The following LARGE1 variants were observed in gnomAD, a reference collection of about 807,000 sequenced individuals.
LARGE1 encodes the protein xylosyl- and glucuronyltransferase LARGE1.
In LARGE1, 43 loss-of-function variants were observed where a neutral mutation model predicts 87.6. The ratio of observed to expected loss-of-function variants is 0.49; its 90% CI spans 0.38 to 0.63. The LOEUF is 0.63. Among genes scored for constraint, LARGE1 ranks in the 30% least tolerant of loss-of-function variants. The pLI, the probability that LARGE1 is intolerant of heterozygous loss-of-function variation, is 0.00. For synonymous variants in LARGE1, 434 were observed against 394.6 expected (o/e 1.10, Z -1.18); for missense variants, 802 against 1,000.2 (o/e 0.80, Z 2.67).
At chr22:33,758,134 C>T (rs367778869) in intron 2 of LARGE1, among the ~76,000 whole-genome samples, 3 of 152,198 alleles carry the variant, frequency 2.0e-5, no homozygotes, top group African/African-American at 7.2e-5. Flanking sequence ...CTCCTTGCCA[C>T]GTCCCTCCAT....
At chr22:33,316,452 G>A (rs1174592062) in intron 10 of LARGE1, among the ~76,000 whole-genome samples, 3 of 152,220 alleles carry the variant, frequency 2.0e-5, no homozygotes, top group African/African-American at 7.2e-5. Context: ...AAAATCAGAT[G>A]CCTGGGGACC....
chr22:33,329,287 C>T (rs1937500798), intron 10 of LARGE1, among the ~76,000 whole-genome samples: 1 of 147,984 alleles, frequency 6.8e-6, no homozygotes, highest in Admixed American at 6.8e-5. Context: ...ATTCCATATA[C>T]ATTCAAAAAT....
chr22:33,373,552 T>C (rs1193122528), intron 9 of LARGE1, among the ~76,000 whole-genome samples: 1 of 152,188 alleles, frequency 6.6e-6, no homozygotes, highest in East Asian at 1.9e-4. Context: ...AGGTCATACA[T>C]CATTGCCTTC....
chr22:33,632,584 T>C (rs956979818), intron 3 of LARGE1, among the ~76,000 whole-genome samples: 6 of 152,088 alleles, frequency 3.9e-5, no homozygotes, highest in South Asian at 4.1e-4. Context: ...CTGGGTTTCT[T>C]AACACCTTCC....
At position 33,283,271 on chromosome 22, in the gene LARGE1, C is replaced by T. The variant is rs1426827508; in HGVS notation, c.1808G>A (p.Arg603Gln). The change falls in exon 13 of 15, where the codon CGG becomes CAG. Residue 603 changes from arginine (R) to glutamine (Q), a missense_variant. Arg to Gln is a conservative substitution (Grantham distance 43). Transcript: ENST00000397394. ...IVPAFETLRYRLSFPKSKAEL... is the reference protein window; with the variant it reads ...IVPAFETLRYQLSFPKSKAEL... ...CGCTTTTGACTTGGGGAAGGACAGC[C>T]GGTAGCGCAGTGTCTCGAACGCGGG... The T allele has an allele frequency of 6.8e-6, 11 of 1,614,006 alleles. No individual in the cohort carries two copies. The highest frequency in any genetic ancestry group is 9.3e-6 in the Non-Finnish European group (11 of 1,180,020).
intron 7 of LARGE1, among the ~76,000 whole-genome samples, chr22:33,428,535 C>CA (rs1365218156): frequency 2.7e-5 from 4 of 150,778 alleles, no homozygotes; most frequent in African/African-American, 9.7e-5. Flanking sequence ...GGCTGGTCTT[C>CA]AACTCCTGAC....
chr22:33,734,311 C>T (rs184525808), intron 2 of LARGE1, among the ~76,000 whole-genome samples: 2 of 152,262 alleles, frequency 1.3e-5, no homozygotes, highest in East Asian at 3.9e-4. Flanking sequence ...CTAGCCATAT[C>T]ATAGTGATGT....
At position 33,641,776 on chromosome 22, in the gene LARGE1, A is replaced by G. The variant is rs566219753; in HGVS notation, c.408+8591T>C. Among the ~76,000 whole-genome samples the G allele has an allele frequency of 2.2e-3, 339 of 152,314 alleles. 1 individual carries two copies. Among genetic ancestry groups the G allele is most frequent in the African/African-American group, 7.9e-3 (327 of 41,572 alleles). ...ATAGCCGAATCAATCAAACAGAAGGATATCAGAGATTGAAGATCAACTTAA... is the reference window on the plus strand; with the variant it reads ...ATAGCCGAATCAATCAAACAGAAGGGTATCAGAGATTGAAGATCAACTTAA... On this transcript the variant is annotated intron_variant, in intron 3 of 14. Coordinates refer to ENST00000397394, the MANE Select transcript of LARGE1 (RefSeq NM_133642.5).
chr22:33,238,663 A>C (rs1926366561), intron 11 of LARGE1, among the ~76,000 whole-genome samples: 2 of 152,330 alleles, frequency 1.3e-5, no homozygotes, highest in Non-Finnish European at 2.9e-5. Context: ...AAAATTAGAA[A>C]TCAATAACAA....
In LARGE1 at chr22:33,200,534, C is replaced by G. The variant is rs188371320; in HGVS notation, c.1731-33702G>C. On this transcript the variant is annotated intron_variant, in intron 11 of 11. Transcript: ENST00000608642. ...AAAACGTATGTCCACATAAAAACTT[C>G]TCAGAATTTATTCATAACAGCATTA... 1.9e-4 allele frequency among the ~76,000 whole-genome samples: 29 copies of G among 152,234 alleles called. No individual in the cohort carries two copies. In the East Asian group the frequency reaches 5.4e-3, roughly 28 times the overall value.
chr22:33,868,241 A>G (rs1200448988), intron 1 of LARGE1, among the ~76,000 whole-genome samples: 1 of 152,144 alleles, frequency 6.6e-6, no homozygotes, highest in African/African-American at 2.4e-5. Flanking sequence ...TGGGACTGAG[A>G]GGCAACTACC....
rs556773571 is a variant in LARGE1, at chr22:33,344,550, G to A, written c.1132-6749C>T. On this transcript the variant is annotated intron_variant, in intron 9 of 14. Coordinates refer to ENST00000397394, the MANE Select transcript of LARGE1 (RefSeq NM_133642.5). ...CGAGAGTCACACAGCAGAGGTAGAAGTAGAGGCCAGCTTCTGTCTCCTGGG... is the reference window on the plus strand; with the variant it reads ...CGAGAGTCACACAGCAGAGGTAGAAATAGAGGCCAGCTTCTGTCTCCTGGG... Among the ~76,000 whole-genome samples the A allele has an allele frequency of 8.3e-4, 126 of 152,164 alleles. 4 individuals are homozygous for A. The highest frequency in any genetic ancestry group is 2.1e-4 in the Non-Finnish European group (14 of 68,022).
intron 11 of LARGE1, among the ~76,000 whole-genome samples, chr22:33,221,309 G>T (rs999035340): frequency 6.6e-6 from 1 of 152,044 alleles, no homozygotes. Flanking sequence ...GCCTGTGCCG[G>T]TTTTTTTCCG....
chr22:33,170,603 C>G (rs1922515649), intron 11 of LARGE1, among the ~76,000 whole-genome samples: 2 of 152,154 alleles, frequency 1.3e-5, no homozygotes, highest in African/African-American at 4.8e-5. Flanking sequence ...TTCCTCTGCA[C>G]TCTTTCTCTC....
chr22:33,162,985 A>T (rs1922085187), exon 12 of LARGE1: 1 of 152,162 alleles, frequency 6.6e-6, no homozygotes. Context: ...CCACAAATAG[A>T]GGTGTCTTCT....
At chr22:33,096,945 G>C in the LARGE1 span, among the ~76,000 whole-genome samples, 1 of 152,218 alleles carries the variant, frequency 6.6e-6, no homozygotes, top group Non-Finnish European at 1.5e-5. Context: ...TACTGCAGAG[G>C]ATTGGCTGTA....
the LARGE1 span, among the ~76,000 whole-genome samples, chr22:33,117,216 C>G: frequency 2.0e-5 from 3 of 152,166 alleles, no homozygotes; most frequent in Admixed American, 2.0e-4. Flanking sequence ...TGTGTAAATT[C>G]CTCACACTGG....
At chr22:33,882,035 G>GTTTTTTTTTTTTTTTT (rs56757133) in intron 1 of LARGE1, among the ~76,000 whole-genome samples, 17 of 144,222 alleles carry the variant, frequency 1.2e-4, no homozygotes, top group African/African-American at 4.2e-4. Context: ...TTTTGTTTTT[G>GTTTTTTTTTTTTTTTT]TTTTTTTTTG....
chr22:33,764,523 C>T (rs2283943), intron 1 of LARGE1, among the ~76,000 whole-genome samples: 39,178 of 151,970 alleles, frequency 0.26, 5,760 homozygotes, highest in South Asian at 0.41. Context: ...TTTGGGAGGC[C>T]GAGGTGGGCA....
Sources: allele counts gnomAD v4.1 joint callset (sites outside exome capture counted in the v4.1 genomes callset), GRCh38; gene constraint gnomAD v4.1.1; transcripts MANE v1.5; gene names NCBI Gene and HGNC (gene_info 2026-07-23, HGNC 2026-07-21).